The following LRP2 variants were observed in gnomAD, a reference collection of about 807,000 sequenced individuals.
The protein encoded by LRP2 is LDL receptor related protein 2.
A neutral mutation model predicts 531.0 loss-of-function variants in LRP2; 172 were observed. That is an observed-to-expected ratio of 0.32 (90% CI 0.29 to 0.37). The LOEUF (loss-of-function observed/expected upper bound fraction) is 0.37. LRP2 is among the 10% of genes least tolerant of loss of function. LRP2 has a pLI of 1.00. For synonymous variants in LRP2, 1,992 were observed against 2,027.6 expected, an observed-to-expected ratio of 0.98 and a Z score of 0.47; for missense variants, 5,167 against 5,868.3, an observed-to-expected ratio of 0.88 and a Z score of 3.90.
chr2:169,157,321 C>A (rs1686367639), intron 64 of LRP2, 50 bp downstream of exon 64: 1 of 1,584,096 alleles, frequency 6.3e-7, no homozygotes, highest in Non-Finnish European at 8.7e-7. Context: ...GGGTGGAGAA[C>A]CTTAGATGTA....
rs770726587 is a variant in LRP2 at position 169,162,480 on chromosome 2, A to C, written c.11879T>G (p.Leu3960Arg). ...ADDCGDWSDE[L>R]GCNKGKERTC... is the part of the protein sequence containing the mutation. Reference sequence around the variant, plus strand: ...AACAAGTGTTTACTTACTGCAACCCAGTTCATCGGACCAGTCACCACAGTC... The same window carrying C: ...AACAAGTGTTTACTTACTGCAACCCCGTTCATCGGACCAGTCACCACAGTC... Residue 3960 changes from leucine (L) to arginine (R), a missense_variant, in exon 63 of 79, where the codon CTG becomes CGG. Physicochemically the swap from Leu to Arg is moderately radical, Grantham distance 102. Around this residue, in one of 6 missense-constraint regions of LRP2, gnomAD observed 564 missense variants for 747.7 expected, o/e 0.75. Transcript: ENST00000649046. 1 of 1,614,182 alleles carries C rather than the reference A, an allele frequency of 6.2e-7. No individual in the cohort carries two copies. The highest frequency in any genetic ancestry group is 1.1e-5 in the South Asian group (1 of 91,086).
At chr2:169,211,006 C>T (rs1223174378) in intron 37 of LRP2, among the ~76,000 whole-genome samples, 1 of 151,976 alleles carries the variant, frequency 6.6e-6, no homozygotes, top group Non-Finnish European at 1.5e-5. Flanking sequence ...TGTGTTTGAA[C>T]ATTTTTTTAA....
At chr2:169,296,434 TC>T (rs1234301898) in intron 4 of LRP2, among the ~76,000 whole-genome samples, 1 of 152,008 alleles carries the variant, frequency 6.6e-6, no homozygotes, top group East Asian at 1.9e-4. Flanking sequence ...CACACAACTC[TC>T]CCTTCAAGTG....
intron 9 of LRP2, among the ~76,000 whole-genome samples, chr2:169,283,949 T>C (rs1683773118): frequency 6.6e-6 from 1 of 152,156 alleles, no homozygotes; most frequent in South Asian, 2.1e-4. Context: ...TACATCTGAC[T>C]TTCCAAGTCC....
chr2:169,191,863 C>A lies in LRP2; in HGVS notation c.9001G>T (p.Gly3001Cys). ...RTCSENEFTC[G>C]YGLCIPKIFR... The stretch of plus-strand genomic sequence containing the variant: ...ATCTTTGGGATACACAGTCCGTAAC[C>A]ACAGGTGAATTCATTTTCAGAGCAA... The change falls in exon 48 of 79, where the codon GGT becomes TGT. Residue 3001 changes from glycine to cysteine, a missense_variant. This residue lies in a region of LRP2 where 1,129 missense variants were observed against 1,362.7 expected (regional missense o/e 0.83). Transcript: ENST00000649046. 6.2e-7 allele frequency: 1 copy of A among 1,614,078 alleles called. No individual in the cohort carries two copies. Among genetic ancestry groups the A allele is most frequent in the Non-Finnish European group, 8.5e-7 (1 of 1,179,994 alleles).
intron 65 of LRP2, 30 bp downstream of exon 65, chr2:169,156,244 T>C (rs1429361073): frequency 8.7e-6 from 14 of 1,612,992 alleles, no homozygotes; most frequent in Non-Finnish European, 9.3e-6. Context: ...TCCCCAAAAG[T>C]CAATTAATCC....
intron 49 of LRP2, 67 bp from the exon 50 acceptor site, chr2:169,186,086 A>G: frequency 7.1e-7 from 1 of 1,415,188 alleles, no homozygotes; most frequent in Non-Finnish European, 9.9e-7. Flanking sequence ...AATGGTTCAA[A>G]GTCAACATTT....
intron 26 of LRP2, among the ~76,000 whole-genome samples, chr2:169,238,731 A>G (rs896811187): frequency 7.9e-5 from 12 of 152,054 alleles, no homozygotes; most frequent in Admixed American, 1.3e-4. Context: ...AATTCTCCCA[A>G]CACCCCCTCT....
chr2:169,248,694 C>T lies in LRP2; in HGVS notation c.2771-1179G>A, dbSNP rs552411855. The stretch of plus-strand genomic sequence containing the variant: ...CTCCCAGCGTGAGCGACGCAGAAGA[C>T]GGTGATTTCTGCATTTCCATCTGAG... On this transcript the variant is annotated intron_variant, in intron 19 of 78. Coordinates refer to ENST00000649046, the MANE Select transcript of LRP2 (RefSeq NM_004525.3). Among the ~76,000 whole-genome samples the T allele has an allele frequency of 1.6e-3, 237 of 147,174 alleles. 11 individuals are homozygous for T. The highest frequency in any genetic ancestry group is 2.9e-3 in the Non-Finnish European group (196 of 66,784).
chr2:169,166,071 A>C lies in LRP2; in HGVS notation c.11636-17T>G, dbSNP rs1009344213. The C allele has an allele frequency of 2.2e-5, 35 of 1,613,526 alleles. No individual in the cohort carries two copies. Among genetic ancestry groups the C allele is most frequent in the Non-Finnish European group, 2.7e-5 (32 of 1,179,540 alleles). ...GAACATCCACTGAAAGGAAAGATAG[A>C]AAAATGAAATTACAAGTTAACAGTA... On this transcript the variant is annotated splice_polypyrimidine_tract_variant and intron_variant, in intron 61 of 78. Transcript: ENST00000649046.
chr2:169,269,941 T>C (rs960555149), intron 16 of LRP2, among the ~76,000 whole-genome samples: 25 of 151,896 alleles, frequency 1.6e-4, no homozygotes, highest in Non-Finnish European at 2.9e-4. Context: ...AAAAAGTGGG[T>C]GAAGGATATG....
intron 33 of LRP2, among the ~76,000 whole-genome samples, chr2:169,222,940 C>T (rs138660843): frequency 5.3e-4 from 80 of 152,272 alleles, no homozygotes; most frequent in Middle Eastern, 3.4e-3. Context: ...CCTCTGCCTC[C>T]AATCACTAGC....
At chr2:169,302,165 C>A (rs1684300921) in intron 4 of LRP2, among the ~76,000 whole-genome samples, 1 of 141,524 alleles carries the variant, frequency 7.1e-6, no homozygotes, top group African/African-American at 2.8e-5. Context: ...TCTGGCTAAG[C>A]CTCATTTAAT....
chr2:169,151,111 G>A (rs182122575), intron 67 of LRP2, 85 bp from the exon 68 acceptor site: 107 of 1,433,166 alleles, frequency 7.5e-5, no homozygotes, highest in Admixed American at 5.2e-4. Flanking sequence ...AGAGCATTTC[G>A]TTTGGCTGGT....
At chr2:169,261,788 C>T (rs1467963859) in intron 16 of LRP2, among the ~76,000 whole-genome samples, 1 of 152,062 alleles carries the variant, frequency 6.6e-6, no homozygotes, top group Non-Finnish European at 1.5e-5. Flanking sequence ...AGAGACACAA[C>T]CAAAACAGAG....
At chr2:169,269,138 T>A (rs570040556) in intron 16 of LRP2, among the ~76,000 whole-genome samples, 7 of 152,202 alleles carry the variant, frequency 4.6e-5, no homozygotes, top group Non-Finnish European at 8.8e-5. Flanking sequence ...TCCATGCTCA[T>A]GGATAGGAAG....
rs573816029 is a variant in LRP2 at position 169,296,395 on chromosome 2, A to G, written c.428-1685T>C. On this transcript the variant is annotated intron_variant, in intron 4 of 78. Transcript: ENST00000649046. Reference sequence around the variant, plus strand: ...TTGCGTCTTTCCTCGCTGAGATGATATGCCTTACAAATGTGCCTTCAAATG... The same window carrying G: ...TTGCGTCTTTCCTCGCTGAGATGATGTGCCTTACAAATGTGCCTTCAAATG... Among the ~76,000 whole-genome samples, 13 of 152,150 alleles carry G rather than the reference A, an allele frequency of 8.5e-5. No homozygotes were observed. In the East Asian group the frequency reaches 2.5e-3, roughly 29 times the overall value.
At chr2:169,304,734 T>C (rs1684369711) in intron 4 of LRP2, among the ~76,000 whole-genome samples, 1 of 152,150 alleles carries the variant, frequency 6.6e-6, no homozygotes, top group Non-Finnish European at 1.5e-5. Flanking sequence ...AACACTGTAA[T>C]GTCTTTCAAA....
In LRP2 at chr2:169,139,313, A is replaced by G. The variant is rs141160195; in HGVS notation, c.13326T>C (p.Ile4442=). 33 of 1,614,204 alleles carry G rather than the reference A, an allele frequency of 2.0e-5. No individual in the cohort carries two copies. In the African/African-American group the frequency reaches 2.5e-4, roughly 12 times the overall value. Residue 4442 remains isoleucine (I), a synonymous_variant, in exon 74 of 79, where the codon ATT becomes ATC. Transcript: ENST00000649046. ...TCCTTCTATAGTGGAAGAATCCTGC[A>G]ATTGCCAGAGCTCCAATTACGACGA... ...LLIVVIGALA[I]AGFFHYRRTG... is the part of the protein sequence containing the mutation.
Sources: gnomAD v4.1 joint callset for allele counts (sites outside exome capture counted in the v4.1 genomes callset) on GRCh38, gnomAD v4.1.1 for gene constraint, gnomAD v4.1.1 regional missense constraint, MANE v1.5 for transcripts, NCBI Gene and HGNC (gene_info 2026-07-23, HGNC 2026-07-21) for gene names.